Variants in CCDC15 observed in about 807,000 individuals in gnomAD.
The protein encoded by CCDC15 is coiled-coil domain-containing protein 15.
A neutral mutation model predicts 114.5 loss-of-function variants in CCDC15; 105 were observed. The ratio of observed to expected loss-of-function variants is 0.92; its 90% CI spans 0.78 to 1.08. CCDC15 has a LOEUF of 1.08. CCDC15 is among the 50% of genes least tolerant of loss of function. The pLI is 0.00. For synonymous variants in CCDC15, 334 were observed against 377.8 expected, an observed-to-expected ratio of 0.88 and a Z score of 1.34; for missense variants, 1,105 against 1,093.6, an observed-to-expected ratio of 1.01 and a Z score of -0.15.
rs1047683155 is a variant in CCDC15 at position 124,954,686 on chromosome 11, C to T, written c.-9-38C>T. The T allele has an allele frequency of 2.5e-6, 4 of 1,589,742 alleles. No individual in the cohort carries two copies. In the African/African-American group the frequency reaches 5.4e-5, roughly 21 times the overall value. On this transcript the variant is annotated intron_variant, in intron 1 of 15. Transcript: ENST00000344762. ...TAGGAGGTTGAACTTTTAATGCAGT[C>T]ATTTGAAGATTTTAAGCTTTTTCTT...
In CCDC15 at chr11:125,037,746, T is replaced by A. The variant is rs573202456; in HGVS notation, c.2412-685T>A. Reference sequence around the variant, plus strand: ...TGTCCAATGTCTTGAAAACCATCATTTCTTGTATTTGTTTGATTTGTGTAC... The same window carrying A: ...TGTCCAATGTCTTGAAAACCATCATATCTTGTATTTGTTTGATTTGTGTAC... On this transcript the variant is annotated intron_variant, in intron 13 of 15. Coordinates refer to ENST00000344762, the MANE Select transcript of CCDC15 (RefSeq NM_025004.3). Among the ~76,000 whole-genome samples, 92 of 152,286 alleles carry A rather than the reference T, an allele frequency of 6.0e-4. 1 individual carries two copies. The South Asian group carries it at 0.01, about 17-fold the overall frequency.
At chr11:124,968,743 C>T (rs1348252302) in intron 4 of CCDC15, among the ~76,000 whole-genome samples, 7 of 152,176 alleles carry the variant, frequency 4.6e-5, no homozygotes, top group Non-Finnish European at 8.8e-5. Flanking sequence ...GCGTCGATCA[C>T]GCTGGGAGCT....
intron 13 of CCDC15, among the ~76,000 whole-genome samples, chr11:125,021,428 A>G (rs1419144391): frequency 4.6e-5 from 7 of 151,880 alleles, no homozygotes; most frequent in Non-Finnish European, 1.0e-4. Flanking sequence ...ATTTTAATAC[A>G]CAGATATAAC....
chr11:124,980,877 A>G (rs1948062525), intron 6 of CCDC15, among the ~76,000 whole-genome samples: 1 of 152,138 alleles, frequency 6.6e-6, no homozygotes, highest in African/African-American at 2.4e-5. Flanking sequence ...AGACCTTTCT[A>G]ACTTTTTGAT....
intron 12 of CCDC15, 54 bp from the exon 13 acceptor site, chr11:125,005,055 C>A: frequency 1.3e-6 from 1 of 768,490 alleles, no homozygotes; most frequent in Non-Finnish European, 2.1e-6. Context: ...ATTTTTCTTC[C>A]TTGGAAATTC....
chr11:124,962,648 CT>C (rs11286590), intron 4 of CCDC15, among the ~76,000 whole-genome samples: 81,949 of 147,708 alleles, frequency 0.55, 22,947 homozygotes, highest in East Asian at 0.9. Flanking sequence ...GAATTCAGTT[CT>C]TTTTTTTTTT....
At chr11:124,960,118 T>A in intron 4 of CCDC15, 115 bp downstream of exon 4, 2 of 652,182 alleles carry the variant, frequency 3.1e-6, no homozygotes, top group Non-Finnish European at 4.4e-6. Flanking sequence ...TCAGCTTCAC[T>A]TTTGATAATC....
In CCDC15 at chr11:124,984,036, C is replaced by T. The variant is rs77806766; in HGVS notation, c.754-2706C>T. Among the ~76,000 whole-genome samples, 25 of 152,014 alleles carry T rather than the reference C, an allele frequency of 1.6e-4. No homozygotes were observed. In the East Asian group the frequency reaches 4.1e-3, roughly 25 times the overall value. On this transcript the variant is annotated intron_variant, in intron 6 of 15. Transcript: ENST00000344762. Reference sequence around the variant, plus strand: ...GTGCAGGGCAGGGGGTAGGGCTGCTCGTCTCCTTGAGTGCCTTTGCATTGG... The same window carrying T: ...GTGCAGGGCAGGGGGTAGGGCTGCTTGTCTCCTTGAGTGCCTTTGCATTGG...
At position 124,993,276 on chromosome 11, in the gene CCDC15, C is replaced by T. The variant is rs527873138; in HGVS notation, c.2214+33C>T. 110 of 1,403,882 alleles carry T rather than the reference C, an allele frequency of 7.8e-5. 2 individuals carry two copies. The South Asian group carries it at 1.2e-3, about 15-fold the overall frequency. The allele number at this position is 1,403,882 out of a possible 1,614,324, so 87.0% of individuals were successfully genotyped here. On this transcript the variant is annotated intron_variant, in intron 11 of 15. Coordinates refer to ENST00000344762, the MANE Select transcript of CCDC15 (RefSeq NM_025004.3). Reference sequence around the variant, plus strand: ...TCACACAATATTCAAGATCTAGTCTCTTCTAGAGAAGTAGAGCAGAATATA... The same window carrying T: ...TCACACAATATTCAAGATCTAGTCTTTTCTAGAGAAGTAGAGCAGAATATA...
chr11:124,965,576 T>G (rs1947761382), intron 4 of CCDC15, among the ~76,000 whole-genome samples: 1 of 152,174 alleles, frequency 6.6e-6, no homozygotes, highest in African/African-American at 2.4e-5. Context: ...ATTTTGTTGA[T>G]CTTTTCAAAA....
At chr11:124,984,475 C>A (rs1456471072) in intron 6 of CCDC15, among the ~76,000 whole-genome samples, 1 of 152,128 alleles carries the variant, frequency 6.6e-6, no homozygotes, top group Non-Finnish European at 1.5e-5. Context: ...CTGTTCACGT[C>A]CGACAGTTCC....
chr11:124,993,167 A>T lies in CCDC15; in HGVS notation c.2140-2A>T. On this transcript the variant is annotated splice_acceptor_variant, in intron 10 of 15. Coordinates refer to ENST00000344762, the MANE Select transcript of CCDC15 (RefSeq NM_025004.3). LOFTEE classifies it high-confidence loss of function. ...CAGTTTTGTATTTTGTTGTTCCTTT[A>T]GAACAAGCATATCAAACTACCCTCA... 1 of 1,588,394 alleles carries T rather than the reference A, an allele frequency of 6.3e-7. No homozygotes were observed.
intron 2 of CCDC15, among the ~76,000 whole-genome samples, chr11:124,955,740 T>C (rs3924025): frequency 0.84 from 127,429 of 152,226 alleles, 53,926 homozygotes; most frequent in African/African-American, 0.96. Context: ...AGAAATGAGA[T>C]GTGTTTAAAT....
chr11:124,988,543 T>A (rs1948214495), intron 8 of CCDC15, among the ~76,000 whole-genome samples: 1 of 152,188 alleles, frequency 6.6e-6, no homozygotes. Flanking sequence ...CTGTGGAAGT[T>A]ACTTAAGATG....
chr11:125,033,135 AT>A (rs1948752466), intron 13 of CCDC15, among the ~76,000 whole-genome samples: 1 of 152,146 alleles, frequency 6.6e-6, no homozygotes, highest in Non-Finnish European at 1.5e-5. Flanking sequence ...CTGGATATTG[AT>A]TGAGGGGCCA....
At chr11:124,956,556 A>C (rs963859713) in intron 2 of CCDC15, among the ~76,000 whole-genome samples, 1 of 152,204 alleles carries the variant, frequency 6.6e-6, no homozygotes, top group Non-Finnish European at 1.5e-5. Flanking sequence ...CCTCTTTGTA[A>C]TTGCTCAAAT....
Position 125,038,602 on chromosome 11 carries a change from G to C in CCDC15, c.2583G>C (p.Leu861=). 1 of 1,552,812 alleles carries C rather than the reference G, an allele frequency of 6.4e-7. No individual in the cohort carries two copies. Among genetic ancestry groups the C allele is most frequent in the Non-Finnish European group, 8.7e-7 (1 of 1,153,638 alleles). The part of the protein sequence containing the change: ...REKQQREKEY[L]RYVEALRAQI... ...AACAACAGAGAGAAAAAGAATACCT[G>C]AGGTAATTTGAAAAGGTCTTCATGA... Residue 861 remains leucine, a splice_region_variant and synonymous_variant, in exon 14 of 16, where the codon CTG becomes CTC. Transcript: ENST00000344762.
chr11:124,989,719 G>C (rs1480815168), intron 8 of CCDC15, among the ~76,000 whole-genome samples: 1 of 152,132 alleles, frequency 6.6e-6, no homozygotes, highest in East Asian at 1.9e-4. Context: ...TGATGTTATA[G>C]AGACACCTTA....
chr11:124,968,363 C>T (rs970775133), intron 4 of CCDC15, among the ~76,000 whole-genome samples: 47 of 152,284 alleles, frequency 3.1e-4, no homozygotes, highest in African/African-American at 1.0e-3. Context: ...TCAGGAATGG[C>T]GGACGCCCCT....
Sources: gnomAD v4.1 joint callset for allele counts (sites outside exome capture counted in the v4.1 genomes callset) on GRCh38, gnomAD v4.1.1 for gene constraint, MANE v1.5 for transcripts, NCBI Gene and HGNC (gene_info 2026-07-23, HGNC 2026-07-21) for gene names.